DYNLRB2: variants seen among roughly 807,000 people sequenced by gnomAD.
The protein encoded by DYNLRB2 is bithoraxoid-like protein.
Under a neutral mutation model 12.6 loss-of-function variants are expected in DYNLRB2, and 14 were observed. The observed-to-expected ratio is 1.11, with a 90% CI of 0.73 to 1.73. The LOEUF (loss-of-function observed/expected upper bound fraction) is 1.73. Ranked by LOEUF, DYNLRB2 falls within the 40% of genes most tolerant of loss-of-function variation. The pLI, the probability that DYNLRB2 is intolerant of heterozygous loss-of-function variation, is 0.00. For synonymous variants in DYNLRB2, 53 were observed against 37.0 expected (o/e 1.43, Z -1.57); for missense variants, 142 against 117.7 (o/e 1.21, Z -0.95).
At chr16:80,540,770 T>C (rs1909270225), upstream of DYNLRB2, 1 of 703,232 alleles carries the variant, frequency 1.4e-6, no homozygotes. Flanking sequence ...AATGAATGAA[T>C]GAATGGACAA....
chr16:80,544,207 C>A (rs1904323415), intron 2 of DYNLRB2, among the ~76,000 whole-genome samples: 1 of 152,172 alleles, frequency 6.6e-6, no homozygotes, highest in African/African-American at 2.4e-5. Context: ...CAACTCCTTA[C>A]CACTAAGAAT....
At chr16:80,543,740 A>G (rs1346068232) in intron 2 of DYNLRB2, among the ~76,000 whole-genome samples, 2 of 152,226 alleles carry the variant, frequency 1.3e-5, no homozygotes, top group African/African-American at 4.8e-5. Context: ...ACAGAATTTC[A>G]GTGTTTATTT....
At chr16:80,542,846 A>G (rs187754123) in intron 1 of DYNLRB2, among the ~76,000 whole-genome samples, 3 of 152,350 alleles carry the variant, frequency 2.0e-5, no homozygotes, top group Admixed American at 2.0e-4. Flanking sequence ...ACTTTTAGAC[A>G]GAGGGAGGCC....
intron 2 of DYNLRB2, among the ~76,000 whole-genome samples, chr16:80,545,368 T>C (rs1324930987): frequency 6.6e-6 from 1 of 152,182 alleles, no homozygotes; most frequent in East Asian, 1.9e-4. Flanking sequence ...TAATTTTACT[T>C]GATGAACATT....
intron 1 of DYNLRB2, among the ~76,000 whole-genome samples, chr16:80,541,930 A>G (rs375199050): frequency 1.3e-5 from 2 of 152,238 alleles, no homozygotes; most frequent in Non-Finnish European, 1.5e-5. Context: ...TCGTTGCTAC[A>G]TAAGATGGCC....
intron 2 of DYNLRB2, chr16:80,547,932 G>T (rs1050776303): frequency 8.4e-6 from 3 of 356,840 alleles, no homozygotes; most frequent in African/African-American, 6.6e-5. Context: ...GGACATAGCA[G>T]TTATCTTAAA....
chr16:80,548,716 G>C (rs1249274316), intron 2 of DYNLRB2, among the ~76,000 whole-genome samples: 1 of 89,364 alleles, frequency 1.1e-5, no homozygotes, highest in Non-Finnish European at 2.6e-5. Context: ...ACAATAGCAA[G>C]ACTCCGTCTC....
chr16:80,546,733 A>G (rs1181026333), intron 2 of DYNLRB2, among the ~76,000 whole-genome samples: 1 of 152,230 alleles, frequency 6.6e-6, no homozygotes, highest in Admixed American at 6.5e-5. Context: ...TCTGATTTCT[A>G]CAGGCTCTTA....
In DYNLRB2 at chr16:80,547,863, T is replaced by C. The variant is rs190615412; in HGVS notation, c.80-1621T>C. Reference sequence around the variant, plus strand: ...GATTAGCAAGGTTTTTATTATGCTTTATTTATTGAATAGGTTTTCCTGTAA... The same window carrying C: ...GATTAGCAAGGTTTTTATTATGCTTCATTTATTGAATAGGTTTTCCTGTAA... On this transcript the variant is annotated intron_variant, in intron 2 of 3. Transcript: ENST00000305904. The C allele has an allele frequency of 1.9e-3, 873 of 456,572 alleles. 2 individuals carry two copies. Among genetic ancestry groups the C allele is most frequent in the South Asian group, 5.1e-3 (332 of 64,520 alleles). 28.3% of individuals were successfully genotyped at this position (456,572 alleles called of 1,614,324 possible).
At chr16:80,543,728 A>G (rs1261915189) in intron 2 of DYNLRB2, among the ~76,000 whole-genome samples, 1 of 152,248 alleles carries the variant, frequency 6.6e-6, no homozygotes, top group Non-Finnish European at 1.5e-5. Context: ...ATTATGAACC[A>G]TACAGAATTT....
intron 1 of DYNLRB2, among the ~76,000 whole-genome samples, chr16:80,542,094 G>T (rs779460258): frequency 6.6e-5 from 10 of 152,146 alleles, no homozygotes; most frequent in Non-Finnish European, 1.2e-4. Flanking sequence ...CATCCGAAGA[G>T]CAGGCCTCAG....
Position 80,541,031 on chromosome 16 carries a change from G to T in DYNLRB2, c.-46G>T. ...GGCGGGTAGCGTTGTTGACATCCCG[G>T]GAGGCTGTGCCGCCGGCCTGAGCCC... On this transcript the variant is annotated 5_prime_UTR_variant, in exon 1 of 4. Transcript: ENST00000305904. 1.9e-6 allele frequency: 3 copies of T among 1,600,842 alleles called. No individual in the cohort carries two copies. The highest frequency in any genetic ancestry group is 2.6e-6 in the Non-Finnish European group (3 of 1,172,008).
chr16:80,549,589 C>T lies in DYNLRB2; in HGVS notation c.185C>T (p.Pro62Leu), dbSNP rs761934645. The T allele has an allele frequency of 5.6e-6, 9 of 1,612,362 alleles. No homozygotes were observed. The highest frequency in any genetic ancestry group is 6.8e-6 in the Non-Finnish European group (8 of 1,178,906). ...AAAAGCACAGTTCGTGATATTGATCCTCAGAACGACCTGACTTTTCTTAGG... is the reference window on the plus strand; with the variant it reads ...AAAAGCACAGTTCGTGATATTGATCTTCAGAACGACCTGACTTTTCTTAGG... ...KAKSTVRDID[P>L]QNDLTFLRIR... Residue 62 changes from proline (P) to leucine (L), a missense_variant, in exon 3 of 4, where the codon CCT becomes CTT. Pro to Leu is a moderately conservative substitution (Grantham distance 98). Transcript: ENST00000305904.
chr16:80,541,034 G>A lies in DYNLRB2; in HGVS notation c.-43G>A. The A allele has an allele frequency of 6.2e-7, 1 of 1,602,248 alleles. No homozygotes were observed. The highest frequency in any genetic ancestry group is 1.3e-5 in the African/African-American group (1 of 74,868). ...GGGTAGCGTTGTTGACATCCCGGGA[G>A]GCTGTGCCGCCGGCCTGAGCCCAGA... On this transcript the variant is annotated 5_prime_UTR_variant, in exon 1 of 4. Transcript: ENST00000305904.
Position 80,549,659 on chromosome 16 carries a change from G to A in DYNLRB2, c.247+8G>A, listed in dbSNP as rs1164174492. On this transcript the variant is annotated splice_region_variant and intron_variant, in intron 3 of 3. Coordinates refer to ENST00000305904, the MANE Select transcript of DYNLRB2 (RefSeq NM_130897.3). Reference sequence around the variant, plus strand: ...AAATCATGGTAGCTCCAGGTAATTTGGCATTTCATTTCCTAGTTAAATCAT... The same window carrying A: ...AAATCATGGTAGCTCCAGGTAATTTAGCATTTCATTTCCTAGTTAAATCAT... 1.0e-5 allele frequency: 16 copies of A among 1,575,034 alleles called. No individual in the cohort carries two copies. The highest frequency in any genetic ancestry group is 1.4e-5 in the African/African-American group (1 of 74,048).
intron 2 of DYNLRB2, among the ~76,000 whole-genome samples, chr16:80,545,666 C>CTTTTTGTTTTT (rs1904410931): frequency 1.3e-5 from 1 of 74,886 alleles, no homozygotes; most frequent in African/African-American, 4.6e-5. Flanking sequence ...CCATTAGCTT[C>CTTTTTGTTTTT]TTTTTTTTTT....
At chr16:80,546,446 C>G (rs1280610696) in intron 2 of DYNLRB2, among the ~76,000 whole-genome samples, 1 of 152,182 alleles carries the variant, frequency 6.6e-6, no homozygotes, top group Non-Finnish European at 1.5e-5. Flanking sequence ...CATGCTTATT[C>G]ATTTAGATAT....
upstream of DYNLRB2, chr16:80,540,838 G>T: frequency 1.4e-6 from 1 of 735,196 alleles, no homozygotes. Context: ...ACTGCTCCAG[G>T]ATTGGGCGAA....
At chr16:80,548,131 T>C (rs982346858) in intron 2 of DYNLRB2, 1 of 172,112 alleles carries the variant, frequency 5.8e-6, no homozygotes, top group Non-Finnish European at 1.3e-5. Context: ...GTGCCCTTAA[T>C]ACGGATACCT....
Sources: allele counts gnomAD v4.1 joint callset (sites outside exome capture counted in the v4.1 genomes callset), GRCh38; gene constraint gnomAD v4.1.1; transcripts MANE v1.5; gene names NCBI Gene and HGNC (gene_info 2026-07-23, HGNC 2026-07-21).